DNAJB6: variants seen among roughly 807,000 people sequenced by gnomAD.
The protein encoded by DNAJB6 is DnaJ heat shock protein family (Hsp40) member B6, also known as dnaJ homolog subfamily B member 6.
A neutral mutation model predicts 42.7 loss-of-function variants in DNAJB6; 16 were observed. The ratio of observed to expected loss-of-function variants is 0.37; its 90% CI spans 0.25 to 0.57. The LOEUF (loss-of-function observed/expected upper bound fraction) is 0.57. DNAJB6 is among the 20% of genes least tolerant of loss of function. The pLI is 0.74. For missense variants in DNAJB6, 347 were observed against 416.8 expected (o/e 0.83, Z 1.46); for synonymous variants, 170 against 163.5 (o/e 1.04, Z -0.30).
intron 1 of DNAJB6, among the ~76,000 whole-genome samples, chr7:157,353,609 G>GTGTGTGTGTGTGTGTGTGTA (rs1799118570): frequency 1.4e-5 from 2 of 148,012 alleles, no homozygotes; most frequent in East Asian, 3.9e-4. Context: ...GTGTGTGTGT[G>GTGTGTGTGTGTGTGTGTGTA]TGTGTGTGTG....
chr7:157,364,156 G>A (rs1323402369), intron 3 of DNAJB6, among the ~76,000 whole-genome samples: 1 of 151,712 alleles, frequency 6.6e-6, no homozygotes, highest in African/African-American at 2.4e-5. Flanking sequence ...AGTGAGCCGA[G>A]ATTGCGCCAC....
intron 1 of DNAJB6, among the ~76,000 whole-genome samples, chr7:157,346,905 C>T (rs571902267): frequency 2.2e-4 from 34 of 152,238 alleles, no homozygotes; most frequent in African/African-American, 5.8e-4. Flanking sequence ...GCCCAGGCTG[C>T]AGTGCAGTGG....
At chr7:157,346,422 A>G (rs181624137) in intron 1 of DNAJB6, among the ~76,000 whole-genome samples, 51 of 151,610 alleles carry the variant, frequency 3.4e-4, no homozygotes, top group African/African-American at 1.2e-3. Context: ...CTAGTTTTAT[A>G]TCTTGATTAG....
intron 2 of DNAJB6, among the ~76,000 whole-genome samples, chr7:157,362,055 T>C (rs1400631085): frequency 1.3e-5 from 2 of 152,142 alleles, no homozygotes; most frequent in African/African-American, 4.8e-5. Flanking sequence ...TGTGAGCCGC[T>C]GCACCCGGCC....
intron 8 of DNAJB6, among the ~76,000 whole-genome samples, chr7:157,405,068 G>A (rs1035351500): frequency 2.0e-5 from 3 of 152,240 alleles, no homozygotes; most frequent in Admixed American, 2.0e-4. Context: ...GCCAGAAGCA[G>A]GGTCCTTGGG....
chr7:157,365,154 G>A (rs781469683), intron 3 of DNAJB6, among the ~76,000 whole-genome samples: 3 of 152,134 alleles, frequency 2.0e-5, no homozygotes, highest in Non-Finnish European at 2.9e-5. Flanking sequence ...GGATTTTGCC[G>A]TGTTGCCCAG....
At chr7:157,385,045 C>G (rs905637365) in intron 7 of DNAJB6, 37 bp downstream of exon 7, 1 of 1,601,394 alleles carries the variant, frequency 6.2e-7, no homozygotes, top group Non-Finnish European at 8.5e-7. Context: ...TTTTAGTAAG[C>G]AGGCGTAACG....
chr7:157,340,989 T>TGCGCGC (rs1369106155), intron 1 of DNAJB6, among the ~76,000 whole-genome samples: 9 of 74,970 alleles, frequency 1.2e-4, no homozygotes, highest in African/African-American at 5.1e-4. Context: ...TGTGTGTGTG[T>TGCGCGC]GTGTGTGTGC....
At chr7:157,345,291 G>A (rs1466518427) in intron 1 of DNAJB6, among the ~76,000 whole-genome samples, 2 of 152,090 alleles carry the variant, frequency 1.3e-5, no homozygotes, top group Non-Finnish European at 2.9e-5. Flanking sequence ...ACTGCGCCTG[G>A]CTTAAAATTT....
chr7:157,383,237 T>A (rs1339242825), intron 6 of DNAJB6, among the ~76,000 whole-genome samples: 1 of 152,078 alleles, frequency 6.6e-6, no homozygotes, highest in Non-Finnish European at 1.5e-5. Flanking sequence ...TGAACTGACC[T>A]CGGGTGGATC....
chr7:157,393,749 G>C (rs970005563), intron 8 of DNAJB6, among the ~76,000 whole-genome samples: 1 of 151,600 alleles, frequency 6.6e-6, no homozygotes, highest in African/African-American at 2.4e-5. Context: ...AGTGGGTGAT[G>C]ATCAGATCGG....
At chr7:157,339,637 G>C (rs931495338) in intron 1 of DNAJB6, among the ~76,000 whole-genome samples, 16 of 56,644 alleles carry the variant, frequency 2.8e-4, no homozygotes, top group African/African-American at 6.7e-4. Context: ...GTGTGTGTGT[G>C]TGTGTGTGTG....
chr7:157,357,883 G>A (rs979471219), intron 1 of DNAJB6, among the ~76,000 whole-genome samples: 24 of 152,308 alleles, frequency 1.6e-4, no homozygotes, highest in African/African-American at 5.8e-4. Flanking sequence ...CCATTCGGTA[G>A]TGATACTATC....
At chr7:157,366,060 C>T (rs1047637342) in intron 3 of DNAJB6, among the ~76,000 whole-genome samples, 2 of 152,146 alleles carry the variant, frequency 1.3e-5, no homozygotes, top group African/African-American at 4.8e-5. Flanking sequence ...CAGCTATTCT[C>T]TTGCCTCAGC....
intron 7 of DNAJB6, 69 bp downstream of exon 7, chr7:157,385,077 CG>C (rs1334834970): frequency 1.1e-5 from 16 of 1,517,032 alleles, no homozygotes; most frequent in Non-Finnish European, 1.4e-5. Context: ...CCATGTTGCA[CG>C]TCTCCCAGAG....
At chr7:157,397,691 C>A (rs1480727162) in intron 8 of DNAJB6, among the ~76,000 whole-genome samples, 23 of 152,262 alleles carry the variant, frequency 1.5e-4, no homozygotes. Context: ...TCCAAACCGA[C>A]CTTCACGTCT....
At chr7:157,369,341 T>C (rs73503270) in intron 5 of DNAJB6, 1 of 456,714 alleles carries the variant, frequency 2.2e-6, no homozygotes, top group Non-Finnish European at 4.4e-6. Flanking sequence ...TTCAGCAAAC[T>C]GCATTTGTTG....
chr7:157,382,251 C>T lies in DNAJB6; in HGVS notation c.352C>T (p.Pro118Ser). ...DPFSFDFFED[P>S]FEDFFGNRRG... Reference sequence around the variant, plus strand: ...GTGTTTATGTTTGATTTTAGAAGACCCTTTTGAGGACTTCTTTGGGAATCG... The same window carrying T: ...GTGTTTATGTTTGATTTTAGAAGACTCTTTTGAGGACTTCTTTGGGAATCG... Residue 118 changes from proline to serine, a missense_variant, in exon 6 of 10, where the codon CCT becomes TCT. By Grantham distance (74) the Pro-to-Ser change is moderately conservative. Coordinates refer to ENST00000262177, the MANE Select transcript of DNAJB6 (RefSeq NM_058246.4). The T allele has an allele frequency of 1.9e-6, 3 of 1,591,230 alleles. No homozygotes were observed. Among genetic ancestry groups the T allele is most frequent in the Non-Finnish European group, 2.6e-6 (3 of 1,173,598 alleles).
intron 2 of DNAJB6, 49 bp downstream of exon 2, chr7:157,358,686 G>A (rs1407735098): frequency 2.1e-6 from 3 of 1,426,242 alleles, no homozygotes; most frequent in South Asian, 2.3e-5. Flanking sequence ...TGGTACATTG[G>A]TAATTGAGTA....
Sources: allele counts gnomAD v4.1 joint callset (sites outside exome capture counted in the v4.1 genomes callset), GRCh38; gene constraint gnomAD v4.1.1; transcripts MANE v1.5; gene names NCBI Gene and HGNC (gene_info 2026-07-23, HGNC 2026-07-21).